LRRC74A: variants seen among roughly 807,000 people sequenced by gnomAD.
LRRC74A encodes leucine-rich repeat-containing protein 74A.
LRRC74A carries 44 observed loss-of-function variants against 57.9 expected under a neutral mutation model. The ratio of observed to expected loss-of-function variants is 0.76; its 90% CI spans 0.60 to 0.98. The LOEUF is 0.98. LRRC74A is among the 50% of genes least tolerant of loss of function. LRRC74A has a pLI of 0.00. For missense variants in LRRC74A, 572 were observed against 574.0 expected, an observed-to-expected ratio of 1.00 and a Z score of 0.04; for synonymous variants, 211 against 219.4, an observed-to-expected ratio of 0.96 and a Z score of 0.34.
intron 10 of LRRC74A, 64 bp downstream of exon 10, chr14:76,857,539 C>A: frequency 1.6e-6 from 2 of 1,222,718 alleles, no homozygotes; most frequent in Non-Finnish European, 2.4e-6. Flanking sequence ...CCACTCTATA[C>A]TCTGTGTTGG....
At chr14:76,844,194 G>A (rs578150540) in intron 5 of LRRC74A, among the ~76,000 whole-genome samples, 1 of 152,292 alleles carries the variant, frequency 6.6e-6, no homozygotes, top group Non-Finnish European at 1.5e-5. Context: ...GTAGAGACAA[G>A]GGCTCACTAT....
At position 76,833,234 on chromosome 14, in the gene LRRC74A, A is replaced by G. The variant is rs191676203; in HGVS notation, c.339+1859A>G. On this transcript the variant is annotated intron_variant, in intron 3 of 13. Coordinates refer to ENST00000689127, the MANE Select transcript of LRRC74A (RefSeq NM_001385106.1). ...GAGAGAGTGATGAATGAGGAAGGCA[A>G]TTCTGTGCGTCCATGTCTATTCAGT... 2.4e-4 allele frequency among the ~76,000 whole-genome samples: 36 copies of G among 152,230 alleles called. No individual in the cohort carries two copies. The East Asian group carries it at 5.4e-3, about 23-fold the overall frequency.
intron 4 of LRRC74A, 101 bp from the exon 5 acceptor site, chr14:76,837,774 C>A: frequency 1.5e-6 from 1 of 655,098 alleles, no homozygotes; most frequent in South Asian, 2.0e-5. Flanking sequence ...CAACCCTACT[C>A]CCTCAGCACA....
intron 11 of LRRC74A, among the ~76,000 whole-genome samples, 174 bp from the exon 12 acceptor site, chr14:76,865,794 G>C (rs552537374): frequency 6.8e-4 from 103 of 152,344 alleles, no homozygotes; most frequent in African/African-American, 2.4e-3. Flanking sequence ...TCGGCTCTTG[G>C]TCTTAGGGGA....
chr14:76,860,204 C>T (rs1457934727), intron 10 of LRRC74A, among the ~76,000 whole-genome samples: 1 of 152,182 alleles, frequency 6.6e-6, no homozygotes, highest in African/African-American at 2.4e-5. Flanking sequence ...AACACTATTT[C>T]ACAGGACACA....
intron 10 of LRRC74A, among the ~76,000 whole-genome samples, chr14:76,859,250 T>C (rs1239097780): frequency 6.6e-6 from 1 of 152,032 alleles, no homozygotes; most frequent in Non-Finnish European, 1.5e-5. Flanking sequence ...ATTAGAAATG[T>C]TCTCTCAGGC....
intron 4 of LRRC74A, among the ~76,000 whole-genome samples, 175 bp from the exon 5 acceptor site, chr14:76,837,700 G>A (rs896863277): frequency 2.0e-5 from 3 of 151,908 alleles, no homozygotes; most frequent in Non-Finnish European, 4.4e-5. Context: ...TCTAGAGCCC[G>A]GTTTCCTATT....
chr14:76,863,900 A>C (rs1898534034), intron 11 of LRRC74A, among the ~76,000 whole-genome samples: 1 of 152,252 alleles, frequency 6.6e-6, no homozygotes, highest in South Asian at 2.1e-4. Context: ...TCAGTCATGA[A>C]GCAACCACAG....
Position 76,838,016 on chromosome 14 carries a change from G to A in LRRC74A, c.544+45G>A, listed in dbSNP as rs3742751. The A allele has an allele frequency of 4.7e-5, 58 of 1,245,760 alleles. No individual in the cohort carries two copies. The East Asian group carries it at 1.4e-3, about 31-fold the overall frequency. 77.2% of individuals were successfully genotyped at this position (1,245,760 alleles called of 1,614,324 possible). Reference sequence around the variant, plus strand: ...GGGAGAAGACACTGGGAATCAGAGGGAGGGAAGAGGGGAAAAACAGAGAAT... The same window carrying A: ...GGGAGAAGACACTGGGAATCAGAGGAAGGGAAGAGGGGAAAAACAGAGAAT... On this transcript the variant is annotated intron_variant, in intron 5 of 13. Transcript: ENST00000689127.
Position 76,852,419 on chromosome 14 carries a change from G to T in LRRC74A, c.731G>T (p.Arg244Met). The part of the protein sequence containing the change: ...LDLSWNNFHT[R>M]GAVALCNGLR... The stretch of plus-strand genomic sequence containing the variant: ...CTGAGCTGGAATAACTTCCACACAA[G>T]GGGAGCTGTGGCCTTGTGCAATGGT... The change falls in exon 8 of 14, where the codon AGG becomes ATG. Residue 244 changes from arginine (R) to methionine (M), a missense_variant. Arg to Met is a moderately conservative substitution (Grantham distance 91). Transcript: ENST00000689127. The T allele has an allele frequency of 6.2e-7, 1 of 1,611,446 alleles. No homozygotes were observed. Among genetic ancestry groups the T allele is most frequent in the South Asian group, 1.1e-5 (1 of 90,570 alleles).
At chr14:76,845,084 G>A (rs2140281381) in intron 7 of LRRC74A, among the ~76,000 whole-genome samples, 183 bp downstream of exon 7, 1 of 152,336 alleles carries the variant, frequency 6.6e-6, no homozygotes, top group Non-Finnish European at 1.5e-5. Context: ...AGAACTTCAG[G>A]AGCCTGAGGC....
intron 11 of LRRC74A, 39 bp from the exon 12 acceptor site, chr14:76,865,929 G>A: frequency 2.8e-6 from 4 of 1,443,318 alleles, no homozygotes; most frequent in Non-Finnish European, 2.9e-6. Flanking sequence ...GTTGTTACAA[G>A]ACCAAGTGTT....
chr14:76,844,361 G>T lies in LRRC74A; in HGVS notation c.545-62G>T. The T allele has an allele frequency of 2.1e-6, 3 of 1,461,202 alleles. No homozygotes were observed. In the South Asian group the frequency reaches 3.6e-5, roughly 17 times the overall value. The allele number at this position is 1,461,202 out of a possible 1,614,324, so 90.5% of individuals were successfully genotyped here. On this transcript the variant is annotated intron_variant, in intron 5 of 13. Coordinates refer to ENST00000689127, the MANE Select transcript of LRRC74A (RefSeq NM_001385106.1). ...GGGAAGTGGACTGGGAGGGGCAGGGGGTGGGAGAGGAAGGGAGCCATGGTC... is the reference window on the plus strand; with the variant it reads ...GGGAAGTGGACTGGGAGGGGCAGGGTGTGGGAGAGGAAGGGAGCCATGGTC...
intron 10 of LRRC74A, among the ~76,000 whole-genome samples, chr14:76,858,777 T>TG (rs1246314865): frequency 2.0e-5 from 3 of 152,104 alleles, no homozygotes; most frequent in Admixed American, 1.3e-4. Flanking sequence ...TTAGTAGAGA[T>TG]GGGGTTTCAC....
chr14:76,845,870 T>C (rs938023253), intron 7 of LRRC74A, among the ~76,000 whole-genome samples: 1 of 152,078 alleles, frequency 6.6e-6, no homozygotes, highest in Non-Finnish European at 1.5e-5. Flanking sequence ...AATACAAAAT[T>C]AGCTGGATGT....
chr14:76,849,393 G>A (rs1897294217), intron 7 of LRRC74A, among the ~76,000 whole-genome samples: 1 of 151,926 alleles, frequency 6.6e-6, no homozygotes, highest in African/African-American at 2.4e-5. Context: ...CTGACCTCAA[G>A]TGATCCACCC....
intron 5 of LRRC74A, among the ~76,000 whole-genome samples, chr14:76,843,285 C>A (rs1329778446): frequency 9.7e-6 from 1 of 102,928 alleles, no homozygotes; most frequent in Non-Finnish European, 1.8e-5. Flanking sequence ...GAGACTCCGT[C>A]TCAAAAAAAA....
At chr14:76,852,627 T>TC (rs1202097996) in intron 8 of LRRC74A, among the ~76,000 whole-genome samples, 177 bp downstream of exon 8, 1 of 150,670 alleles carries the variant, frequency 6.6e-6, no homozygotes, top group Non-Finnish European at 1.5e-5. Context: ...CACTTTTTTT[T>TC]TTTTTTTTTG....
intron 9 of LRRC74A, 24 bp downstream of exon 9, chr14:76,853,434 T>G (rs772414687): frequency 1.1e-6 from 1 of 880,300 alleles, no homozygotes; most frequent in Non-Finnish European, 1.6e-6. Flanking sequence ...GGAAAGGGTG[T>G]GTGTGTGTGT....
Sources: allele counts gnomAD v4.1 joint callset (sites outside exome capture counted in the v4.1 genomes callset), GRCh38; gene constraint gnomAD v4.1.1; transcripts MANE v1.5; gene names NCBI Gene and HGNC (gene_info 2026-07-23, HGNC 2026-07-21).